Variants in TYW1 observed in about 807,000 individuals in gnomAD.
The protein encoded by TYW1 is tRNA-yW synthesizing protein 1 homolog.
A neutral mutation model predicts 96.2 loss-of-function variants in TYW1; 46 were observed. The ratio of observed to expected loss-of-function variants is 0.48; its 90% CI spans 0.38 to 0.61. TYW1 has a LOEUF of 0.61. TYW1 is among the 20% of genes least tolerant of loss of function. The pLI, the probability that TYW1 is intolerant of heterozygous loss-of-function variation, is 0.00. For missense variants in TYW1, 684 were observed against 909.6 expected (o/e 0.75, Z 3.19); for synonymous variants, 274 against 323.0 (o/e 0.85, Z 1.63).
At chr7:67,185,354 T>C (rs188096506) in intron 14 of TYW1, among the ~76,000 whole-genome samples, 2,558 of 151,392 alleles carry the variant, frequency 0.017, 65 homozygotes, top group African/African-American at 0.058. Flanking sequence ...GGCAGTAGAG[T>C]AGGCACAACA....
rs143856087 is a variant in TYW1 at position 67,070,057 on chromosome 7, C to T, written c.1274+2654C>T. Among the ~76,000 whole-genome samples the T allele has an allele frequency of 3.1e-3, 469 of 151,980 alleles. 4 individuals carry two copies. The highest frequency in any genetic ancestry group is 0.01 in the African/African-American group (435 of 41,518). ...GTAACATTTTAAATATGCTCTCCCA[C>T]TGCCTTCTGGCCTCCATGGTTTCTG... is the stretch of plus-strand genomic sequence containing the variant. On this transcript the variant is annotated intron_variant, in intron 10 of 15. Transcript: ENST00000359626.
At chr7:67,019,711 A>G (rs1002835262) in intron 6 of TYW1, among the ~76,000 whole-genome samples, 1 of 152,292 alleles carries the variant, frequency 6.6e-6, no homozygotes, top group African/African-American at 2.4e-5. Context: ...TTGCAGCTGA[A>G]GGGACTGCTC....
chr7:67,230,901 A>C lies in TYW1; in HGVS notation c.1978-7407A>C, dbSNP rs542010459. 3.0e-4 allele frequency among the ~76,000 whole-genome samples: 45 copies of C among 151,940 alleles called. 2 individuals are homozygous for C. The highest frequency in any genetic ancestry group is 1.1e-3 in the African/African-American group (44 of 41,430). On this transcript the variant is annotated intron_variant, in intron 15 of 15. Coordinates refer to ENST00000359626, the MANE Select transcript of TYW1 (RefSeq NM_018264.4). ...ATGATCCACCCACCTCGGCCTCCCA[A>C]AGTGCTGGGATTACAGGTGTGAGCC... is the stretch of plus-strand genomic sequence containing the variant.
At chr7:67,059,973 A>G (rs1795644913) in intron 9 of TYW1, among the ~76,000 whole-genome samples, 1 of 151,872 alleles carries the variant, frequency 6.6e-6, no homozygotes, top group African/African-American at 2.4e-5. Flanking sequence ...GGGTTTCACC[A>G]TGTTGGCCAG....
intron 9 of TYW1, among the ~76,000 whole-genome samples, chr7:67,060,280 T>A (rs1343787004): frequency 3.3e-5 from 5 of 152,334 alleles, no homozygotes; most frequent in Middle Eastern, 3.4e-3. Context: ...TTTGCCACGT[T>A]GGCCAGGCTG....
intron 12 of TYW1, among the ~76,000 whole-genome samples, chr7:67,113,418 G>A (rs1293055912): frequency 2.0e-5 from 3 of 152,126 alleles, no homozygotes; most frequent in African/African-American, 7.2e-5. Context: ...TTAGGACTTT[G>A]CAGTCAGAAT....
At chr7:67,080,525 C>A (rs1007519480) in intron 10 of TYW1, among the ~76,000 whole-genome samples, 2 of 151,962 alleles carry the variant, frequency 1.3e-5, no homozygotes. Context: ...TCTGCCTCAG[C>A]CTCTTGAGTA....
At chr7:67,063,718 C>T (rs1305924014) in intron 9 of TYW1, among the ~76,000 whole-genome samples, 3 of 152,166 alleles carry the variant, frequency 2.0e-5, no homozygotes, top group Admixed American at 2.0e-4. Flanking sequence ...ATTCTCCTGC[C>T]TCAGCCTCCC....
At chr7:66,999,200 C>A (rs1237367277) in intron 3 of TYW1, among the ~76,000 whole-genome samples, 1 of 152,100 alleles carries the variant, frequency 6.6e-6, no homozygotes, top group Non-Finnish European at 1.5e-5. Flanking sequence ...CTTGAGGGGG[C>A]CTTTGTTCTG....
At chr7:67,078,012 G>A (rs755267660) in intron 10 of TYW1, among the ~76,000 whole-genome samples, 6 of 152,082 alleles carry the variant, frequency 3.9e-5, no homozygotes, top group African/African-American at 1.2e-4. Context: ...TCTCTATTTT[G>A]TTCTGTTGAG....
In TYW1 at chr7:67,125,391, AT is replaced by A. The variant is rs35830565; in HGVS notation, c.1698+7784del. On this transcript the variant is annotated intron_variant, in intron 13 of 15. Coordinates refer to ENST00000359626, the MANE Select transcript of TYW1 (RefSeq NM_018264.4). ...GTATTGCATAAGGTAGGGGGTCTGGATTTTTTTTTTTAATGGACTTTATATT... is the reference window on the plus strand; with the variant it reads ...GTATTGCATAAGGTAGGGGGTCTGGATTTTTTTTTTAATGGACTTTATATT... Among the ~76,000 whole-genome samples the A allele has an allele frequency of 2.0e-3, 296 of 147,188 alleles. 2 individuals carry two copies. The highest frequency in any genetic ancestry group is 6.1e-3 in the African/African-American group (248 of 40,404).
chr7:67,014,503 G>T lies in TYW1; in HGVS notation c.512G>T (p.Gly171Val). The change falls in exon 5 of 16, where the codon GGT (glycine) becomes GTT (valine). Residue 171 changes from glycine (G) to valine (V), a missense_variant. Transcript: ENST00000359626. ...DFRFGKTYLK[G>V]MRYAVFGLGN... ...CGATTTGGCAAAACTTACCTGAAGG[G>T]TATGAGATATGCGGTATTTGGCCTG... The T allele has an allele frequency of 6.2e-7, 1 of 1,613,904 alleles. No homozygotes were observed. Among genetic ancestry groups the T allele is most frequent in the Non-Finnish European group, 8.5e-7 (1 of 1,179,862 alleles).
rs560827558 is a variant in TYW1, at chr7:67,005,525, G to A, written c.274-4058G>A. Among the ~76,000 whole-genome samples the A allele has an allele frequency of 1.7e-3, 257 of 152,320 alleles. 1 individual carries two copies. The highest frequency in any genetic ancestry group is 3.0e-3 in the Non-Finnish European group (203 of 68,030). Reference sequence around the variant, plus strand: ...GTGGGACGATTGCTTGAGCCCAGGAGGTCAAGGCTGCAGTAAGCCGTGACT... The same window carrying A: ...GTGGGACGATTGCTTGAGCCCAGGAAGTCAAGGCTGCAGTAAGCCGTGACT... On this transcript the variant is annotated intron_variant, in intron 3 of 15. Transcript: ENST00000359626.
chr7:67,029,274 C>T (rs149137524), intron 7 of TYW1, among the ~76,000 whole-genome samples: 18,657 of 150,452 alleles, frequency 0.12, 1,375 homozygotes, highest in Admixed American at 0.16. Context: ...CGTGAGCTAC[C>T]GCGCCCGGCT....
At chr7:67,058,763 A>C (rs1795607746) in intron 9 of TYW1, among the ~76,000 whole-genome samples, 1 of 152,260 alleles carries the variant, frequency 6.6e-6, no homozygotes, top group African/African-American at 2.4e-5. Flanking sequence ...GTCATGAGCC[A>C]CTGTGCCTGG....
chr7:67,149,772 A>ATCTATCTATCTC (rs757104825), intron 13 of TYW1, among the ~76,000 whole-genome samples: 6 of 82,956 alleles, frequency 7.2e-5, no homozygotes, highest in South Asian at 4.1e-4. Context: ...CTATCTATCT[A>ATCTATCTATCTC]TCTCTCTATG....
In TYW1 at chr7:67,146,450, A is replaced by G. The variant is rs912136261; in HGVS notation, c.1698+28832A>G. 3.4e-5 allele frequency among the ~76,000 whole-genome samples: 5 copies of G among 145,478 alleles called. 1 individual carries two copies. Among genetic ancestry groups the G allele is most frequent in the African/African-American group, 1.3e-4 (5 of 37,826 alleles). ...AAGCGAATAGGCAGATAAGGCCCCTATTTTCTGATAGGAGAGATGAAAAAT... is the reference window on the plus strand; with the variant it reads ...AAGCGAATAGGCAGATAAGGCCCCTGTTTTCTGATAGGAGAGATGAAAAAT... On this transcript the variant is annotated intron_variant, in intron 13 of 15. Transcript: ENST00000359626.
At chr7:67,023,911 C>T (rs1306593961) in intron 6 of TYW1, among the ~76,000 whole-genome samples, 1 of 152,184 alleles carries the variant, frequency 6.6e-6, no homozygotes, top group African/African-American at 2.4e-5. Flanking sequence ...ATTTCCTCAT[C>T]TATGAGATGA....
chr7:67,220,885 G>A (rs1228344119), intron 15 of TYW1, among the ~76,000 whole-genome samples: 1 of 151,960 alleles, frequency 6.6e-6, no homozygotes, highest in Non-Finnish European at 1.5e-5. Context: ...TTACAGGCAT[G>A]TGCCACCATG....
Sources: allele counts gnomAD v4.1 joint callset (sites outside exome capture counted in the v4.1 genomes callset), GRCh38; gene constraint gnomAD v4.1.1; transcripts MANE v1.5; gene names NCBI Gene and HGNC (gene_info 2026-07-23, HGNC 2026-07-21).